Variants in GLCE observed in about 807,000 individuals in gnomAD.
GLCE encodes the protein glucuronic acid epimerase, also known as D-glucuronyl C5-epimerase.
GLCE carries 19 observed loss-of-function variants against 47.9 expected under a neutral mutation model. The observed-to-expected ratio is 0.40, with a 90% confidence interval of 0.28 to 0.58. The LOEUF (loss-of-function observed/expected upper bound fraction) is 0.58, where lower values mean the gene tolerates loss of function less well. Ranked by LOEUF, GLCE falls within the 20% of genes least tolerant of loss-of-function variation. The probability of loss-of-function intolerance (pLI) is 0.48; values close to 1 mark genes in which losing one functional copy is unlikely to be tolerated. For missense variants in GLCE, 556 were observed against 743.3 expected, an observed-to-expected ratio of 0.75 and a Z score of 2.93; for synonymous variants, 245 against 263.4, an observed-to-expected ratio of 0.93 and a Z score of 0.68.
chr15:69,201,335 A>G (rs2052074234), intron 1 of GLCE, among the ~76,000 whole-genome samples: 1 of 152,098 alleles, frequency 6.6e-6, no homozygotes, highest in African/African-American at 2.4e-5. Context: ...GCCAAGTGTC[A>G]GTATTGACAT....
intron 2 of GLCE, among the ~76,000 whole-genome samples, chr15:69,250,937 C>T (rs2052835727): frequency 6.6e-6 from 1 of 151,948 alleles, no homozygotes; most frequent in Non-Finnish European, 1.5e-5. Flanking sequence ...TAACAGTCTT[C>T]ATTTCAGTAT....
chr15:69,250,965 T>C (rs1295685457), intron 2 of GLCE, among the ~76,000 whole-genome samples: 1 of 152,180 alleles, frequency 6.6e-6, no homozygotes, highest in Non-Finnish European at 1.5e-5. Flanking sequence ...TTTTATCAAG[T>C]CCATTGTTGA....
At chr15:69,255,640 T>C (rs1443956842) in intron 2 of GLCE, among the ~76,000 whole-genome samples, 154 bp from the exon 3 acceptor site, 1 of 151,902 alleles carries the variant, frequency 6.6e-6, no homozygotes, top group Non-Finnish European at 1.5e-5. Context: ...CCTTTTTTTG[T>C]GCTGAAAAGT....
chr15:69,199,513 A>T (rs1289280383), intron 1 of GLCE, among the ~76,000 whole-genome samples: 1 of 152,196 alleles, frequency 6.6e-6, no homozygotes, highest in African/African-American at 2.4e-5. Context: ...ATTTTTTTGC[A>T]TAGTTTACAT....
At chr15:69,164,591 A>G (rs2051475738) in intron 1 of GLCE, among the ~76,000 whole-genome samples, 1 of 151,344 alleles carries the variant, frequency 6.6e-6, no homozygotes, top group Non-Finnish European at 1.5e-5. Context: ...ATATACACAC[A>G]CTTAGAGTTT....
chr15:69,163,374 CAA>C (rs1374921513), intron 1 of GLCE, among the ~76,000 whole-genome samples: 1 of 152,070 alleles, frequency 6.6e-6, no homozygotes, highest in African/African-American at 2.4e-5. Flanking sequence ...AGGAAGAAAA[CAA>C]ATAAATACAG....
rs1447802590 is a variant in GLCE at position 69,238,655 on chromosome 15, T to G, written c.-13-17139T>G. Among the ~76,000 whole-genome samples, 13 of 152,254 alleles carry G rather than the reference T, an allele frequency of 8.5e-5. No individual in the cohort carries two copies. In the East Asian group the frequency reaches 2.5e-3, roughly 29 times the overall value. On this transcript the variant is annotated intron_variant, in intron 2 of 4. Coordinates refer to ENST00000261858, the MANE Select transcript of GLCE (RefSeq NM_015554.3). The stretch of plus-strand genomic sequence containing the variant: ...TAGCAGGGTTGACCTACTTATGGAG[T>G]GCTGATGATGATTTTCATTCAGCAC...
At chr15:69,170,062 AT>A (rs1312015287) in intron 1 of GLCE, among the ~76,000 whole-genome samples, 1 of 152,202 alleles carries the variant, frequency 6.6e-6, no homozygotes, top group Non-Finnish European at 1.5e-5. Flanking sequence ...GAATAAAAAC[AT>A]TAAGTCAAAA....
chr15:69,266,442 T>C (rs1037258742), intron 4 of GLCE, among the ~76,000 whole-genome samples: 3 of 152,184 alleles, frequency 2.0e-5, no homozygotes, highest in African/African-American at 7.2e-5. Context: ...TCCTCCCACG[T>C]TGGCCTCCCA....
chr15:69,258,020 A>G (rs575668566), intron 3 of GLCE, among the ~76,000 whole-genome samples: 1 of 151,920 alleles, frequency 6.6e-6, no homozygotes, highest in African/African-American at 2.4e-5. Flanking sequence ...TTTTAAGTTC[A>G]GGGGTACATG....
chr15:69,165,190 A>G (rs2051483905), intron 1 of GLCE, among the ~76,000 whole-genome samples: 1 of 152,168 alleles, frequency 6.6e-6, no homozygotes. Flanking sequence ...CCAGGTATAA[A>G]GCCCAGCATC....
At chr15:69,235,262 C>T (rs2052581712) in intron 2 of GLCE, among the ~76,000 whole-genome samples, 1 of 151,746 alleles carries the variant, frequency 6.6e-6, no homozygotes, top group Admixed American at 6.6e-5. Context: ...CTTATGCCAC[C>T]ACACCCTCCT....
chr15:69,232,078 A>C (rs1029450907), intron 2 of GLCE, among the ~76,000 whole-genome samples: 14 of 152,322 alleles, frequency 9.2e-5, no homozygotes, highest in African/African-American at 3.4e-4. Flanking sequence ...GGCCCAAGCC[A>C]CCACCCCGGC....
At position 69,269,264 on chromosome 15, in the gene GLCE, A is replaced by C; in HGVS notation, c.*20A>C. On this transcript the variant is annotated 3_prime_UTR_variant, in exon 5 of 5. Transcript: ENST00000261858. ...AACTAGAGCTCACAACCAAAACTGC[A>C]CTTCAGCCTCTGCTGTACACAGAAA... is the stretch of plus-strand genomic sequence containing the variant. 1.9e-6 allele frequency: 3 copies of C among 1,601,374 alleles called. No individual in the cohort carries two copies. Among genetic ancestry groups the C allele is most frequent in the Non-Finnish European group, 2.6e-6 (3 of 1,169,860 alleles).
intron 1 of GLCE, among the ~76,000 whole-genome samples, chr15:69,202,423 T>G (rs771164807): frequency 2.0e-5 from 3 of 152,178 alleles, no homozygotes; most frequent in African/African-American, 7.2e-5. Flanking sequence ...TGGTCACTGC[T>G]CTCAGAGCTT....
chr15:69,180,590 G>T (rs2051736355), intron 1 of GLCE, among the ~76,000 whole-genome samples: 1 of 152,144 alleles, frequency 6.6e-6, no homozygotes, highest in Non-Finnish European at 1.5e-5. Flanking sequence ...AATCATTCTA[G>T]GCCCAGGGAA....
At chr15:69,211,967 T>C (rs562652068) in intron 2 of GLCE, among the ~76,000 whole-genome samples, 10 of 152,038 alleles carry the variant, frequency 6.6e-5, no homozygotes, top group Non-Finnish European at 1.3e-4. Context: ...ATCTGGAAAC[T>C]TATCAGAAAG....
chr15:69,187,319 T>C (rs1370972024), intron 1 of GLCE, among the ~76,000 whole-genome samples: 1 of 152,176 alleles, frequency 6.6e-6, no homozygotes, highest in Non-Finnish European at 1.5e-5. Context: ...ACTATTAATA[T>C]ATATAAGCCT....
intron 3 of GLCE, among the ~76,000 whole-genome samples, chr15:69,257,916 T>C (rs1314891029): frequency 6.6e-6 from 1 of 152,132 alleles, no homozygotes; most frequent in East Asian, 1.9e-4. Flanking sequence ...AAGTAAAAAG[T>C]ACCCATAACC....
Sources: gnomAD v4.1 joint callset for allele counts (sites outside exome capture counted in the v4.1 genomes callset) on GRCh38, gnomAD v4.1.1 for gene constraint, MANE v1.5 for transcripts, NCBI Gene and HGNC (gene_info 2026-07-23, HGNC 2026-07-21) for gene names.